Variants in PDE11A observed in about 807,000 individuals in gnomAD.
PDE11A encodes dual 3',5'-cyclic-AMP and -GMP phosphodiesterase 11A.
PDE11A carries 100 observed loss-of-function variants against 100.5 expected under a neutral mutation model. The ratio of observed to expected loss-of-function variants is 1.00; its 90% CI spans 0.85 to 1.18. The LOEUF (loss-of-function observed/expected upper bound fraction) is 1.18, where lower values mean the gene tolerates loss of function less well. Ranked by LOEUF, PDE11A falls within the 50% of genes most tolerant of loss-of-function variation. PDE11A has a pLI of 0.00. For missense variants in PDE11A, 1,141 were observed against 1,152.6 expected, an observed-to-expected ratio of 0.99 and a Z score of 0.15; for synonymous variants, 381 against 420.8, an observed-to-expected ratio of 0.91 and a Z score of 1.16.
chr2:177,788,292 G>A (rs1179857250), intron 9 of PDE11A, among the ~76,000 whole-genome samples: 1 of 144,116 alleles, frequency 6.9e-6, no homozygotes, highest in African/African-American at 2.6e-5. Context: ...ATGACTACTG[G>A]GTACGTAATG....
intron 1 of PDE11A, among the ~76,000 whole-genome samples, chr2:178,044,889 AT>A (rs2086730347): frequency 6.6e-6 from 1 of 152,090 alleles, no homozygotes; most frequent in Admixed American, 6.6e-5. Flanking sequence ...TCCACTTATT[AT>A]TTTTGATTGC....
chr2:177,816,416 G>A (rs6758543), intron 9 of PDE11A, among the ~76,000 whole-genome samples: 61,678 of 151,810 alleles, frequency 0.41, 14,364 homozygotes, highest in African/African-American at 0.64. Flanking sequence ...GATAATGACA[G>A]GAGTAGCTTT....
chr2:177,915,994 C>G (rs1037432808), intron 2 of PDE11A, among the ~76,000 whole-genome samples: 12 of 152,176 alleles, frequency 7.9e-5, no homozygotes, highest in African/African-American at 2.9e-4. Context: ...CTATGACATC[C>G]CAATTACCCG....
chr2:178,085,548 A>AT (rs917102765), intron 2 of PDE11A, among the ~76,000 whole-genome samples: 4 of 151,992 alleles, frequency 2.6e-5, no homozygotes, highest in African/African-American at 4.8e-5. Context: ...ATAAAAAAAA[A>AT]AATAAACCTA....
chr2:177,740,670 T>C lies in PDE11A; in HGVS notation c.1789-12498A>G, dbSNP rs116785468. The stretch of plus-strand genomic sequence containing the variant: ...TACCCTATATTGCCCACACAATCAT[T>C]TGAATGCCTCTTAGCTTAGATCCAC... On this transcript the variant is annotated intron_variant, in intron 10 of 19. Coordinates refer to ENST00000286063, the MANE Select transcript of PDE11A (RefSeq NM_016953.4). Among the ~76,000 whole-genome samples the C allele has an allele frequency of 6.2e-3, 942 of 152,364 alleles. 5 individuals carry two copies. The highest frequency in any genetic ancestry group is 0.022 in the African/African-American group (897 of 41,586).
chr2:177,984,373 T>C (rs77115947), intron 2 of PDE11A, among the ~76,000 whole-genome samples: 1,694 of 152,308 alleles, frequency 0.011, 26 homozygotes, highest in African/African-American at 0.038. Flanking sequence ...TTGCTGAAGA[T>C]AGGGGTGAAT....
At chr2:177,819,548 T>C (rs1037586201) in intron 7 of PDE11A, among the ~76,000 whole-genome samples, 4 of 152,030 alleles carry the variant, frequency 2.6e-5, no homozygotes, top group Non-Finnish European at 4.4e-5. Flanking sequence ...GCTTTCCTAA[T>C]TGAGTTTTTT....
chr2:178,054,624 T>C (rs1284173774), intron 1 of PDE11A, among the ~76,000 whole-genome samples: 2 of 152,132 alleles, frequency 1.3e-5, no homozygotes, highest in Admixed American at 6.5e-5. Flanking sequence ...ATATCCAGAA[T>C]CTACAAAGAA....
At chr2:178,037,572 A>G (rs886690414) in intron 1 of PDE11A, among the ~76,000 whole-genome samples, 21 of 152,188 alleles carry the variant, frequency 1.4e-4, no homozygotes, top group African/African-American at 5.1e-4. Context: ...CCATGCGTAC[A>G]TGTGTTTATT....
intron 6 of PDE11A, among the ~76,000 whole-genome samples, chr2:177,827,421 T>C (rs548439518): frequency 1.1e-4 from 16 of 152,358 alleles, no homozygotes; most frequent in African/African-American, 3.1e-4. Flanking sequence ...CCTGCCCTAC[T>C]TTTTAGTTAA....
chr2:177,982,960 A>G (rs2085900911), intron 2 of PDE11A, among the ~76,000 whole-genome samples: 1 of 150,434 alleles, frequency 6.6e-6, no homozygotes, highest in African/African-American at 2.4e-5. Flanking sequence ...CACACCGGTA[A>G]TCCCAGTTAC....
chr2:178,024,336 C>T (rs755029653), intron 1 of PDE11A, among the ~76,000 whole-genome samples: 37 of 152,018 alleles, frequency 2.4e-4, no homozygotes, highest in Non-Finnish European at 4.1e-4. Context: ...TGCTTGGGCC[C>T]GGGAGGCAGA....
chr2:177,947,602 C>T (rs1054360479), intron 2 of PDE11A, among the ~76,000 whole-genome samples: 4 of 151,660 alleles, frequency 2.6e-5, no homozygotes, highest in Admixed American at 6.6e-5. Context: ...AATCCCTGAT[C>T]TCAAGTAATC....
chr2:177,909,200 A>T (rs1248200797), intron 2 of PDE11A, among the ~76,000 whole-genome samples: 1 of 152,204 alleles, frequency 6.6e-6, no homozygotes, highest in African/African-American at 2.4e-5. Context: ...AAACAACAAA[A>T]ACTCTGCCAT....
rs1485592118 is a variant in PDE11A, at chr2:178,072,299, C to T, written c.139G>A (p.Gly47Arg). The T allele has an allele frequency of 2.5e-6, 4 of 1,614,018 alleles. No individual in the cohort carries two copies. The highest frequency in any genetic ancestry group is 1.1e-5 in the South Asian group (1 of 91,054). ...AAAGAGGGCCTTGGACCTAAAGCCCCCTGACCCTGACTGTGCCTCTGCAGC... is the reference window on the plus strand; with the variant it reads ...AAAGAGGGCCTTGGACCTAAAGCCCTCTGACCCTGACTGTGCCTCTGCAGC... ...KWLQRHSQGQ[G>R]ALGPRPSLAG... Residue 47 changes from glycine to arginine, a missense_variant, in exon 1 of 20, where the codon GGG (glycine) becomes AGG (arginine). Transcript: ENST00000286063.
intron 2 of PDE11A, among the ~76,000 whole-genome samples, chr2:177,939,630 C>T (rs1042088724): frequency 6.6e-6 from 1 of 152,042 alleles, no homozygotes; most frequent in African/African-American, 2.4e-5. Context: ...TACCAATTTA[C>T]AGAAATAGAT....
intron 2 of PDE11A, among the ~76,000 whole-genome samples, chr2:177,956,196 C>T (rs1237613888): frequency 1.3e-5 from 2 of 152,102 alleles, no homozygotes; most frequent in Admixed American, 1.3e-4. Flanking sequence ...CTACAATGAA[C>T]TCAAACACAT....
At chr2:177,797,181 C>G (rs1480064418) in intron 9 of PDE11A, 3 of 152,344 alleles carry the variant, frequency 2.0e-5, no homozygotes, top group African/African-American at 7.2e-5. Flanking sequence ...CCTCCCACTT[C>G]CATCAGGGCA....
intron 2 of PDE11A, among the ~76,000 whole-genome samples, chr2:177,985,597 C>T (rs1012402783): frequency 6.6e-6 from 1 of 152,202 alleles, no homozygotes; most frequent in African/African-American, 2.4e-5. Flanking sequence ...ATTCTTTAAT[C>T]AGTGGCATGG....
Sources: allele counts gnomAD v4.1 joint callset (sites outside exome capture counted in the v4.1 genomes callset), GRCh38; gene constraint gnomAD v4.1.1; transcripts MANE v1.5; gene names NCBI Gene and HGNC (gene_info 2026-07-23, HGNC 2026-07-21).